F11R: variants seen among roughly 807,000 people sequenced by gnomAD.
The protein encoded by F11R is F11 receptor, also known as junctional adhesion molecule A.
A neutral mutation model predicts 39.3 loss-of-function variants in F11R; 27 were observed. The ratio of observed to expected loss-of-function variants is 0.69; its 90% CI spans 0.51 to 0.95. The LOEUF is 0.95. Among genes scored for constraint, F11R ranks in the 40% least tolerant of loss-of-function variants. F11R has a pLI of 0.00. For missense variants in F11R, 335 were observed against 372.7 expected, an observed-to-expected ratio of 0.90 and a Z score of 0.83; for synonymous variants, 131 against 144.9, an observed-to-expected ratio of 0.90 and a Z score of 0.69.
At chr1:160,999,438 T>C (rs1291950887) in intron 7 of F11R, 30 bp from the exon 8 acceptor site, 1 of 1,614,122 alleles carries the variant, frequency 6.2e-7, no homozygotes, top group South Asian at 1.1e-5. Context: ...ATCATGAGTG[T>C]CAGCAGGACA....
intron 1 of F11R, among the ~76,000 whole-genome samples, chr1:161,019,650 G>T (rs949357795): frequency 1.3e-5 from 2 of 151,410 alleles, no homozygotes; most frequent in Admixed American, 6.6e-5. Flanking sequence ...GGGAAAGTAA[G>T]TTTAAAGGTA....
chr1:161,005,290 C>CGGAA (rs549606480), intron 1 of F11R, among the ~76,000 whole-genome samples: 244 of 151,778 alleles, frequency 1.6e-3, no homozygotes, highest in African/African-American at 5.3e-3. Flanking sequence ...CTCCTTCCTC[C>CGGAA]TTCCCCTCCC....
intron 1 of F11R, among the ~76,000 whole-genome samples, chr1:161,018,460 C>G (rs368728022): frequency 6.6e-6 from 1 of 152,158 alleles, no homozygotes; most frequent in African/African-American, 2.4e-5. Flanking sequence ...CCTTTTTTAC[C>G]TACTCAGCTA....
intron 1 of F11R, among the ~76,000 whole-genome samples, chr1:161,010,375 G>C (rs998733540): frequency 2.1e-5 from 3 of 144,054 alleles, no homozygotes; most frequent in Non-Finnish European, 3.0e-5. Context: ...AGCCGAGAGG[G>C]GGAGGTTGCA....
Position 160,996,281 on chromosome 1 carries a change from C to CATT in F11R, c.*2587_*2589dup, listed in dbSNP as rs1447621383. The CATT allele has an allele frequency of 6.6e-6, 1 of 152,260 alleles. No homozygotes were observed. The highest frequency in any genetic ancestry group is 1.9e-4 in the East Asian group (1 of 5,340). The allele number at this position is 152,260 out of a possible 1,614,324, so 9.4% of individuals were successfully genotyped here. A position where few individuals can be genotyped will look rare whatever the true frequency, so the allele number is the denominator to read the frequency against. On this transcript the variant is annotated 3_prime_UTR_variant, in exon 10 of 10. Transcript: ENST00000368026. ...AAGGTGTTTTCCAGTTCAAAAGGTC[C>CATT]ATTGTAAGCTAGAGAAGTAAATTCC...
In F11R at chr1:161,001,078, C is replaced by G; in HGVS notation, c.183G>C (p.Glu61Asp). 1 of 1,614,156 alleles carries G rather than the reference C, an allele frequency of 6.2e-7. No individual in the cohort carries two copies. The highest frequency in any genetic ancestry group is 1.1e-5 in the South Asian group (1 of 91,084). ...AYSGFSSPRV[E>D]WKFDQGDTTR... ...TGGTGTCTCCTTGGTCAAACTTCCA[C>G]TCCACACGGGGAGAAGAAAAGCCCG... Residue 61 changes from glutamate to aspartate, a missense_variant, in exon 3 of 10, where the codon GAG (glutamate) becomes GAC (aspartate). Glu to Asp is a conservative substitution (Grantham distance 45). Coordinates refer to ENST00000368026, the MANE Select transcript of F11R (RefSeq NM_016946.6).
At chr1:161,000,857 C>A (rs926095946) in intron 3 of F11R, 80 bp from the exon 4 acceptor site, 3 of 1,561,844 alleles carry the variant, frequency 1.9e-6, no homozygotes, top group Admixed American at 1.7e-5. Flanking sequence ...ATCCAAGGTA[C>A]GCAAGTGCTC....
intron 1 of F11R, among the ~76,000 whole-genome samples, chr1:161,019,767 T>TC (rs1264017619): frequency 7.9e-5 from 12 of 152,016 alleles, no homozygotes; most frequent in Admixed American, 5.2e-4. Flanking sequence ...TCAAGAGGGT[T>TC]TGGTTCCATT....
At chr1:160,999,444 G>C (rs777599908) in intron 7 of F11R, 36 bp from the exon 8 acceptor site, 3 of 1,614,160 alleles carry the variant, frequency 1.9e-6, no homozygotes, top group Non-Finnish European at 2.5e-6. Flanking sequence ...AGTGTCAGCA[G>C]GACAGAAGAC....
At chr1:161,019,593 C>CAA (rs1055209744) in intron 1 of F11R, among the ~76,000 whole-genome samples, 20 of 47,914 alleles carry the variant, frequency 4.2e-4, no homozygotes, top group Admixed American at 1.1e-3. Context: ...AACTCTAACT[C>CAA]AAAAAAAAAA....
At chr1:161,006,885 C>T (rs979453382) in intron 1 of F11R, among the ~76,000 whole-genome samples, 1 of 152,230 alleles carries the variant, frequency 6.6e-6, no homozygotes. Flanking sequence ...CAGCTCTAGG[C>T]TGGGTGCGGT....
chr1:161,008,716 G>T (rs1648966256), intron 1 of F11R, among the ~76,000 whole-genome samples: 1 of 152,168 alleles, frequency 6.6e-6, no homozygotes, highest in Non-Finnish European at 1.5e-5. Flanking sequence ...CTTGGCTAAG[G>T]CCACACAGTG....
chr1:161,016,330 G>A (rs994762971), intron 1 of F11R, among the ~76,000 whole-genome samples: 4 of 152,078 alleles, frequency 2.6e-5, no homozygotes, highest in East Asian at 1.9e-4. Context: ...GAAAAAATTA[G>A]CCAGGCATGG....
intron 1 of F11R, among the ~76,000 whole-genome samples, chr1:161,006,067 G>A (rs1290719753): frequency 6.6e-6 from 1 of 151,904 alleles, no homozygotes; most frequent in African/African-American, 2.4e-5. Context: ...GAACCCGGGA[G>A]GCGAAGGTTG....
At chr1:161,002,774 TTC>T (rs1244422344) in intron 1 of F11R, among the ~76,000 whole-genome samples, 1 of 152,100 alleles carries the variant, frequency 6.6e-6, no homozygotes, top group Non-Finnish European at 1.5e-5. Context: ...GTCCTTTAGG[TTC>T]TTTTTTTTAA....
intron 1 of F11R, among the ~76,000 whole-genome samples, chr1:161,008,783 C>T (rs928795002): frequency 6.6e-6 from 1 of 152,182 alleles, no homozygotes; most frequent in African/African-American, 2.4e-5. Flanking sequence ...TACAATGCTA[C>T]ACTATACTAT....
intron 1 of F11R, among the ~76,000 whole-genome samples, chr1:161,020,503 G>A (rs1649699607): frequency 6.6e-6 from 1 of 152,248 alleles, no homozygotes; most frequent in Non-Finnish European, 1.5e-5. Flanking sequence ...AAGAGCCAGA[G>A]ACTCCTTCAG....
chr1:161,008,489 G>A (rs1037327476), intron 1 of F11R, among the ~76,000 whole-genome samples: 16 of 150,972 alleles, frequency 1.1e-4, no homozygotes, highest in Admixed American at 4.6e-4. Context: ...GTGACAGAGC[G>A]AGACCCCGTC....
In F11R at chr1:160,998,598, A is replaced by G. The variant is rs143550504; in HGVS notation, c.*273T>C. Reference sequence around the variant, plus strand: ...TACTTAGAAGGGAAGTCAATGGCATACCCAGGATTCCTTCCTGATCCCTCA... The same window carrying G: ...TACTTAGAAGGGAAGTCAATGGCATGCCCAGGATTCCTTCCTGATCCCTCA... On this transcript the variant is annotated 3_prime_UTR_variant, in exon 10 of 10. Transcript: ENST00000368026. 1.7e-6 allele frequency: 1 copy of G among 578,938 alleles called. No individual in the cohort carries two copies. Among genetic ancestry groups the G allele is most frequent in the African/African-American group, 1.9e-5 (1 of 53,654 alleles). 35.9% of individuals were successfully genotyped at this position (578,938 alleles called of 1,614,324 possible).
Sources: allele counts gnomAD v4.1 joint callset (sites outside exome capture counted in the v4.1 genomes callset), GRCh38; gene constraint gnomAD v4.1.1; transcripts MANE v1.5; gene names NCBI Gene and HGNC (gene_info 2026-07-23, HGNC 2026-07-21).